Variants in ALK observed in about 807,000 individuals in gnomAD.
ALK encodes ALK receptor tyrosine kinase, also known as ALK tyrosine kinase receptor.
ALK carries 74 observed loss-of-function variants against 163.1 expected under a neutral mutation model. The observed-to-expected ratio is 0.45, with a 90% confidence interval of 0.38 to 0.55. The LOEUF (loss-of-function observed/expected upper bound fraction) is 0.55, where lower values mean the gene tolerates loss of function less well. ALK is among the 20% of genes least tolerant of loss of function. ALK has a pLI of 0.00. For missense variants in ALK, 2,063 were observed against 2,105.3 expected (o/e 0.98, Z 0.39); for synonymous variants, 960 against 843.2 (o/e 1.14, Z -2.40).
chr2:29,410,694 A>G (rs1206053804), intron 4 of ALK, among the ~76,000 whole-genome samples: 1 of 152,224 alleles, frequency 6.6e-6, no homozygotes, highest in Non-Finnish European at 1.5e-5. Flanking sequence ...AAACATAGAA[A>G]AAGTATGGTA....
At chr2:29,611,965 TAAAC>T (rs774980962) in intron 3 of ALK, among the ~76,000 whole-genome samples, 3 of 152,284 alleles carry the variant, frequency 2.0e-5, no homozygotes, top group East Asian at 1.9e-4. Context: ...ATACAATAAA[TAAAC>T]AAAGAGACAG....
intron 20 of ALK, among the ~76,000 whole-genome samples, chr2:29,223,123 G>T (rs1478505602): frequency 6.6e-6 from 1 of 152,128 alleles, no homozygotes; most frequent in Non-Finnish European, 1.5e-5. Flanking sequence ...GGAGAGCCCT[G>T]GTTCTCCTCT....
intron 1 of ALK, chr2:29,890,272 T>A (rs1227775641): frequency 1.3e-5 from 2 of 151,948 alleles, no homozygotes; most frequent in African/African-American, 4.8e-5. Flanking sequence ...CTAACCTAAG[T>A]ATTAGTACTG....
chr2:29,232,270 G>A, intron 15 of ALK, 34 bp downstream of exon 15: 2 of 1,613,794 alleles, frequency 1.2e-6, no homozygotes, highest in Non-Finnish European at 1.7e-6. Flanking sequence ...GCCTGGGAGA[G>A]GTTCTGGGAG....
At chr2:29,473,033 A>G (rs1671409224) in intron 4 of ALK, among the ~76,000 whole-genome samples, 1 of 152,280 alleles carries the variant, frequency 6.6e-6, no homozygotes, top group South Asian at 2.1e-4. Flanking sequence ...AAATACACGT[A>G]GAAATGCAAA....
chr2:29,581,772 C>T (rs143079427), intron 3 of ALK, among the ~76,000 whole-genome samples: 2 of 152,332 alleles, frequency 1.3e-5, no homozygotes, highest in East Asian at 3.9e-4. Context: ...TTTCTTCTCT[C>T]TTCTTACTTC....
At chr2:29,684,908 CT>C in intron 3 of ALK, among the ~76,000 whole-genome samples, 1 of 152,320 alleles carries the variant, frequency 6.6e-6, no homozygotes, top group South Asian at 2.1e-4. Flanking sequence ...GAGCTTCTAA[CT>C]ATAGGTCAAG....
chr2:29,320,962 G>A (rs1198165307), intron 6 of ALK, 80 bp from the exon 7 acceptor site: 4 of 1,558,874 alleles, frequency 2.6e-6, no homozygotes, highest in Non-Finnish European at 3.5e-6. Context: ...GAATTAGCCA[G>A]GCATGACCAA....
intron 5 of ALK, among the ~76,000 whole-genome samples, chr2:29,342,737 T>C (rs1243439879): frequency 2.6e-5 from 4 of 152,174 alleles, no homozygotes; most frequent in African/African-American, 9.7e-5. Flanking sequence ...GGCTCTTCTC[T>C]TTCTTCTTTT....
intron 9 of ALK, among the ~76,000 whole-genome samples, chr2:29,281,804 G>A (rs1375453046): frequency 1.3e-5 from 2 of 152,210 alleles, no homozygotes; most frequent in Non-Finnish European, 2.9e-5. Flanking sequence ...GACTCATCGG[G>A]CAGATCTCTG....
At chr2:29,487,326 T>G (rs4292055) in intron 4 of ALK, among the ~76,000 whole-genome samples, 60,278 of 151,930 alleles carry the variant, frequency 0.4, 12,471 homozygotes, top group East Asian at 0.68. Flanking sequence ...GAGAACAGTG[T>G]GAAAGGGAAC....
chr2:29,692,601 A>G (rs1678432059), intron 3 of ALK, among the ~76,000 whole-genome samples: 1 of 152,244 alleles, frequency 6.6e-6, no homozygotes, highest in African/African-American at 2.4e-5. Flanking sequence ...TCATGTTCCT[A>G]TAAGAATCTA....
chr2:29,373,316 A>G (rs1286863663), intron 5 of ALK, among the ~76,000 whole-genome samples: 1 of 152,260 alleles, frequency 6.6e-6, no homozygotes, highest in East Asian at 1.9e-4. Flanking sequence ...AAATAAATAC[A>G]TTAGTTAGAG....
Position 29,920,416 on chromosome 2 carries a change from C to T in ALK, c.244G>A (p.Ala82Thr), listed in dbSNP as rs1322397265. 4.4e-6 allele frequency: 7 copies of T among 1,595,174 alleles called. No homozygotes were observed. Among genetic ancestry groups the T allele is most frequent in the Non-Finnish European group, 3.4e-6 (4 of 1,171,440 alleles). The change falls in exon 1 of 29, where the codon GCT becomes ACT. Residue 82 changes from alanine to threonine, a missense_variant. Coordinates refer to ENST00000389048, the MANE Select transcript of ALK (RefSeq NM_004304.5). Reference protein sequence around the residue: ...LLPPSSSELKAGRPEARGSLA... With the variant: ...LLPPSSSELKTGRPEARGSLA... ...GAGCCGCGGGCCTCGGGCCTGCCAG[C>T]CTTCAGCTCCGAGGAGGATGGTGGC...
At chr2:29,638,525 T>TG (rs915979973) in intron 3 of ALK, among the ~76,000 whole-genome samples, 4 of 42,722 alleles carry the variant, frequency 9.4e-5, no homozygotes, top group Admixed American at 2.9e-4. Context: ...AGGGTGGGGG[T>TG]GGGGGGAGAT....
chr2:29,603,631 G>T (rs1264650228), intron 3 of ALK, among the ~76,000 whole-genome samples: 1 of 151,994 alleles, frequency 6.6e-6, no homozygotes, highest in African/African-American at 2.4e-5. Context: ...TGGCCAAGGG[G>T]AGGGGTGCAT....
At chr2:29,335,659 C>T (rs1344764191) in intron 5 of ALK, among the ~76,000 whole-genome samples, 1 of 152,168 alleles carries the variant, frequency 6.6e-6, no homozygotes, top group Non-Finnish European at 1.5e-5. Context: ...CCTGACTGCC[C>T]ATGGGAGTCA....
chr2:29,737,497 T>A (rs1260040002), intron 1 of ALK, among the ~76,000 whole-genome samples: 1 of 152,092 alleles, frequency 6.6e-6, no homozygotes, highest in African/African-American at 2.4e-5. Context: ...GCATGGCAGC[T>A]AAGAAGACGT....
At chr2:29,734,638 T>A (rs1347804021) in intron 1 of ALK, among the ~76,000 whole-genome samples, 1 of 151,884 alleles carries the variant, frequency 6.6e-6, no homozygotes, top group East Asian at 1.9e-4. Flanking sequence ...TCTCTCTTTC[T>A]CCCTCTCTCT....
Sources: gnomAD v4.1 joint callset for allele counts (sites outside exome capture counted in the v4.1 genomes callset) on GRCh38, gnomAD v4.1.1 for gene constraint, MANE v1.5 for transcripts, NCBI Gene and HGNC (gene_info 2026-07-23, HGNC 2026-07-21) for gene names.